The following ARHGEF38 variants were observed in gnomAD, a reference collection of about 807,000 sequenced individuals.
ARHGEF38 encodes the protein Rho guanine nucleotide exchange factor 38, also known as Rho guanine nucleotide exchange factor (GEF) 38.
Under a neutral mutation model 79.9 loss-of-function variants are expected in ARHGEF38, and 79 were observed. The observed-to-expected ratio is 0.99, with a 90% CI of 0.82 to 1.19. The LOEUF is 1.19. ARHGEF38 is among the 50% of genes most tolerant of loss of function. The pLI, the probability that ARHGEF38 is intolerant of heterozygous loss-of-function variation, is 0.00. For missense variants in ARHGEF38, 962 were observed against 907.2 expected, an observed-to-expected ratio of 1.06 and a Z score of -0.78; for synonymous variants, 366 against 328.3, an observed-to-expected ratio of 1.11 and a Z score of -1.24.
chr4:105,610,469 G>A (rs983256018), intron 2 of ARHGEF38, among the ~76,000 whole-genome samples: 5 of 152,122 alleles, frequency 3.3e-5, no homozygotes, highest in South Asian at 4.1e-4. Context: ...CATTTAAAAT[G>A]TAATTCAACT....
chr4:105,611,171 T>C (rs1578309447), intron 2 of ARHGEF38, among the ~76,000 whole-genome samples: 1 of 152,188 alleles, frequency 6.6e-6, no homozygotes, highest in East Asian at 1.9e-4. Context: ...TTTCTCAGAA[T>C]AAAGTTTCCA....
chr4:105,621,183 G>A (rs1408918998), intron 3 of ARHGEF38, among the ~76,000 whole-genome samples: 3 of 152,148 alleles, frequency 2.0e-5, no homozygotes, highest in African/African-American at 7.2e-5. Context: ...GTCAAGTGTA[G>A]CAAAAGAACC....
chr4:105,639,632 T>A (rs1036516877), intron 5 of ARHGEF38, among the ~76,000 whole-genome samples: 1 of 152,040 alleles, frequency 6.6e-6, no homozygotes, highest in African/African-American at 2.4e-5. Flanking sequence ...ATTGAATAAT[T>A]CACTTTTTCC....
chr4:105,578,369 A>G (rs1253884622), intron 1 of ARHGEF38, among the ~76,000 whole-genome samples: 2 of 152,178 alleles, frequency 1.3e-5, no homozygotes, highest in Non-Finnish European at 2.9e-5. Flanking sequence ...AGGATGTTCC[A>G]TGTGCTGATG....
chr4:105,553,844 C>G (rs947025573), intron 1 of ARHGEF38, among the ~76,000 whole-genome samples: 1 of 152,160 alleles, frequency 6.6e-6, no homozygotes, highest in Non-Finnish European at 1.5e-5. Context: ...TGTCTGAACT[C>G]TCATCATCCC....
intron 1 of ARHGEF38, among the ~76,000 whole-genome samples, chr4:105,553,418 G>A (rs1425456819): frequency 6.6e-6 from 1 of 152,154 alleles, no homozygotes; most frequent in African/African-American, 2.4e-5. Context: ...ATAGGGGCAT[G>A]AAACTATAAT....
Position 105,655,633 on chromosome 4 carries a change from A to G in ARHGEF38, c.1144A>G (p.Met382Val). ...CATGCCCCTGGCTCTGCAGAGTGTG[A>G]TGGACCTTCAGGAGATTTCATACAA... is the stretch of plus-strand genomic sequence containing the variant. ...DAMPLALQSV[M>V]DLQEISYNKD... Residue 382 changes from methionine to valine, a missense_variant, in exon 9 of 14, where the codon ATG becomes GTG. Met to Val is a conservative substitution (Grantham distance 21). Transcript: ENST00000420470. The G allele has an allele frequency of 6.5e-7, 1 of 1,536,032 alleles. No individual in the cohort carries two copies.
chr4:105,594,664 A>G (rs778670031), intron 2 of ARHGEF38, among the ~76,000 whole-genome samples: 3 of 152,208 alleles, frequency 2.0e-5, no homozygotes, highest in Non-Finnish European at 2.9e-5. Flanking sequence ...GTCACCTTGT[A>G]TGAGTGAATC....
chr4:105,658,092 G>A (rs1485948687), intron 9 of ARHGEF38, among the ~76,000 whole-genome samples: 4 of 152,094 alleles, frequency 2.6e-5, no homozygotes, highest in African/African-American at 7.2e-5. Context: ...CAATGACTCA[G>A]GCCAAAAAGT....
chr4:105,645,194 A>G lies in ARHGEF38; in HGVS notation c.681A>G (p.Lys227=), dbSNP rs1383946328. 1.3e-6 allele frequency: 2 copies of G among 1,510,888 alleles called. No individual in the cohort carries two copies. Among genetic ancestry groups the G allele is most frequent in the African/African-American group, 1.4e-5 (1 of 72,244 alleles). 93.6% of individuals were successfully genotyped at this position (1,510,888 alleles called of 1,614,324 possible). A position where few individuals can be genotyped will look rare whatever the true frequency, so the allele number is the denominator to read the frequency against. Residue 227 remains lysine, a synonymous_variant, in exon 6 of 14, where the codon AAA becomes AAG. Transcript: ENST00000420470. ...SLKKIYMQEG[K]PNLLDMGSLM... ...TTATTTATCTGTATTGTAGAGGCAA[A>G]CCAAACTTATTGGACATGGGCTCTT...
intron 1 of ARHGEF38, among the ~76,000 whole-genome samples, chr4:105,585,715 C>T (rs1399687169): frequency 7.0e-6 from 1 of 142,808 alleles, no homozygotes; most frequent in Non-Finnish European, 1.5e-5. Flanking sequence ...TCCTAAATAG[C>T]CCCTCCGTTG....
intron 5 of ARHGEF38, among the ~76,000 whole-genome samples, chr4:105,641,671 T>C (rs9999326): frequency 0.32 from 49,117 of 151,762 alleles, 10,888 homozygotes; most frequent in African/African-American, 0.63. Flanking sequence ...CTTTTTTTTA[T>C]GTATTTTTTC....
rs1729954610 is a variant in ARHGEF38, at chr4:105,648,629, A to G, written c.955A>G (p.Lys319Glu). ...SKLNIHSISK[K>E]SKRVTNHLKI... is the part of the protein sequence containing the mutation. ...ACTAAATATTCATTCAATTAGCAAG[A>G]AATCAAAAAGAGTGACAAATCATCT... Residue 319 changes from lysine to glutamate, a missense_variant, in exon 7 of 14, where the codon AAA becomes GAA. Coordinates refer to ENST00000420470, the MANE Select transcript of ARHGEF38 (RefSeq NM_001242729.2). The G allele has an allele frequency of 6.5e-7, 1 of 1,533,770 alleles. No homozygotes were observed. The highest frequency in any genetic ancestry group is 1.4e-5 in the African/African-American group (1 of 72,964).
intron 2 of ARHGEF38, among the ~76,000 whole-genome samples, chr4:105,590,508 A>G (rs1473486531): frequency 1.3e-5 from 2 of 152,354 alleles, no homozygotes; most frequent in East Asian, 3.9e-4. Context: ...AAATGTGATC[A>G]AAACTACAAA....
intron 5 of ARHGEF38, among the ~76,000 whole-genome samples, chr4:105,636,740 A>C (rs1306017770): frequency 1.3e-5 from 2 of 152,126 alleles, no homozygotes; most frequent in Non-Finnish European, 2.9e-5. Flanking sequence ...CTTTCTATGA[A>C]ACATATTAGT....
intron 1 of ARHGEF38, among the ~76,000 whole-genome samples, chr4:105,573,204 A>T (rs1239278654): frequency 6.6e-6 from 1 of 152,008 alleles, no homozygotes; most frequent in Non-Finnish European, 1.5e-5. Flanking sequence ...TATTTTGTTG[A>T]TAGTGTCTTC....
intron 13 of ARHGEF38, among the ~76,000 whole-genome samples, chr4:105,669,646 AT>A (rs1317487972): frequency 6.6e-6 from 1 of 151,766 alleles, no homozygotes; most frequent in Non-Finnish European, 1.5e-5. Context: ...TAATTAATCC[AT>A]TTTTAAGTGT....
intron 6 of ARHGEF38, among the ~76,000 whole-genome samples, chr4:105,645,749 G>A (rs1265521476): frequency 1.3e-5 from 2 of 152,154 alleles, no homozygotes; most frequent in Non-Finnish European, 2.9e-5. Flanking sequence ...GCAGTGGGAA[G>A]CAAATGCAGA....
intron 7 of ARHGEF38, among the ~76,000 whole-genome samples, chr4:105,653,320 A>G (rs1211654211): frequency 6.9e-6 from 1 of 145,678 alleles, no homozygotes; most frequent in Non-Finnish European, 1.5e-5. Flanking sequence ...GAATTTTCAC[A>G]TTTCTTTTTT....
Sources: gnomAD v4.1 joint callset for allele counts (sites outside exome capture counted in the v4.1 genomes callset) on GRCh38, gnomAD v4.1.1 for gene constraint, MANE v1.5 for transcripts, NCBI Gene and HGNC (gene_info 2026-07-23, HGNC 2026-07-21) for gene names.